The following CCDC102B variants were observed in gnomAD, a reference collection of about 807,000 sequenced individuals.
CCDC102B encodes the protein coiled-coil domain containing 102B.
CCDC102B carries 75 observed loss-of-function variants against 57.4 expected under a neutral mutation model. The observed-to-expected ratio is 1.31, with a 90% CI of 1.08 to 1.58. The LOEUF is 1.58. Among genes scored for constraint, CCDC102B ranks in the 40% most tolerant of loss-of-function variants. CCDC102B has a pLI of 0.00. For missense variants in CCDC102B, 636 were observed against 582.6 expected, an observed-to-expected ratio of 1.09 and a Z score of -0.94; for synonymous variants, 206 against 201.9, an observed-to-expected ratio of 1.02 and a Z score of -0.17.
chr18:68,790,558 A>C lies in CCDC102B; in HGVS notation c.-66-32808A>C, dbSNP rs574699617. 3.9e-5 allele frequency among the ~76,000 whole-genome samples: 6 copies of C among 152,264 alleles called. No individual in the cohort carries two copies. In the South Asian group the frequency reaches 1.2e-3, roughly 32 times the overall value. Reference sequence around the variant, plus strand: ...GCGCCGTTTTTCAAGCCCGTCGGAAAAGTGCAGTATTCGGGTGGGAGTGAC... The same window carrying C: ...GCGCCGTTTTTCAAGCCCGTCGGAACAGTGCAGTATTCGGGTGGGAGTGAC... On this transcript the variant is annotated intron_variant, in intron 2 of 3. Coordinates refer to the CCDC102B transcript ENST00000578970.
intron 7 of CCDC102B, among the ~76,000 whole-genome samples, chr18:69,050,897 T>A (rs1030470833): frequency 2.6e-5 from 4 of 152,192 alleles, no homozygotes; most frequent in African/African-American, 9.6e-5. Flanking sequence ...TAAGACTATT[T>A]ATTTTAGAGA....
At chr18:68,805,761 G>C (rs181926257) in intron 1 of CCDC102B, among the ~76,000 whole-genome samples, 84 of 152,290 alleles carry the variant, frequency 5.5e-4, no homozygotes, top group Non-Finnish European at 8.2e-4. Flanking sequence ...TAGGAACTGA[G>C]AGGTGAGGAT....
At position 68,816,262 on chromosome 18, in the gene CCDC102B, A is replaced by G. The variant is rs535414518; in HGVS notation, c.-16+18081A>G. ...TTTCAAGTAGTAAGAATGATTATGT[A>G]TTGAATGTCTACATTGTGCCTGGGG... is the stretch of plus-strand genomic sequence containing the variant. On this transcript the variant is annotated intron_variant, in intron 1 of 7. Coordinates refer to ENST00000360242, the MANE Select transcript of CCDC102B (RefSeq NM_024781.3). Among the ~76,000 whole-genome samples the G allele has an allele frequency of 1.4e-4, 21 of 152,288 alleles. No homozygotes were observed. In the South Asian group the frequency reaches 4.4e-3, roughly 32 times the overall value.
At chr18:69,007,235 C>T (rs1699449900) in intron 6 of CCDC102B, among the ~76,000 whole-genome samples, 1 of 152,122 alleles carries the variant, frequency 6.6e-6, no homozygotes, top group South Asian at 2.1e-4. Flanking sequence ...AAGAGGCACT[C>T]TATGAACACA....
intron 6 of CCDC102B, among the ~76,000 whole-genome samples, chr18:68,965,349 TA>T (rs2050142268): frequency 6.6e-6 from 1 of 151,698 alleles, no homozygotes; most frequent in Admixed American, 6.6e-5. Context: ...GCTGCTGAGC[TA>T]TTGATTTTTA....
intron 4 of CCDC102B, among the ~76,000 whole-genome samples, chr18:68,857,786 T>C (rs1422577346): frequency 6.6e-6 from 1 of 152,162 alleles, no homozygotes; most frequent in Non-Finnish European, 1.5e-5. Context: ...TGTTTCACAA[T>C]GTGATGATTC....
intron 6 of CCDC102B, among the ~76,000 whole-genome samples, chr18:68,916,474 C>T (rs1190065842): frequency 6.6e-6 from 1 of 152,180 alleles, no homozygotes. Context: ...TAATCAGTTC[C>T]AAATCCAGAT....
intron 7 of CCDC102B, among the ~76,000 whole-genome samples, chr18:69,015,399 A>G (rs2051638081): frequency 6.6e-6 from 1 of 152,244 alleles, no homozygotes; most frequent in African/African-American, 2.4e-5. Context: ...TCGGATAGTT[A>G]GGAAAAACAA....
At chr18:68,990,333 A>G (rs1033504573) in intron 6 of CCDC102B, among the ~76,000 whole-genome samples, 3 of 152,244 alleles carry the variant, frequency 2.0e-5, no homozygotes, top group Middle Eastern at 3.4e-3. Flanking sequence ...CCCATTATTC[A>G]TCTTGGAGAT....
intron 6 of CCDC102B, among the ~76,000 whole-genome samples, chr18:68,981,639 A>G (rs2050585114): frequency 6.6e-6 from 1 of 152,080 alleles, no homozygotes; most frequent in South Asian, 2.1e-4. Flanking sequence ...CCTTGGCCTC[A>G]TGAAACTTGG....
intron 7 of CCDC102B, among the ~76,000 whole-genome samples, chr18:69,043,465 A>G (rs1470804553): frequency 6.6e-6 from 1 of 151,984 alleles, no homozygotes; most frequent in African/African-American, 2.4e-5. Context: ...TCAGACTATC[A>G]CATGGGGAGA....
rs762154731 is a variant in CCDC102B, at chr18:68,846,339, TAG to T, written c.860_861del (p.Arg287ThrfsTer13). 6.3e-7 allele frequency: 1 copy of T among 1,575,322 alleles called. No individual in the cohort carries two copies. The highest frequency in any genetic ancestry group is 8.6e-7 in the Non-Finnish European group (1 of 1,165,140). ...ATGCGCACAGCTTTGGAAAAAGAAATAGAGAGACTGGAGTCGGCTTTGTCTCT... is the reference window on the plus strand; with the variant it reads ...ATGCGCACAGCTTTGGAAAAAGAAATAGAGACTGGAGTCGGCTTTGTCTCT... On this transcript the variant is annotated frameshift_variant, in exon 4 of 8. Transcript: ENST00000360242. LOFTEE classifies it high-confidence loss of function.
intron 6 of CCDC102B, among the ~76,000 whole-genome samples, chr18:69,003,628 T>C (rs1021835217): frequency 2.6e-5 from 4 of 152,218 alleles, no homozygotes; most frequent in Non-Finnish European, 4.4e-5. Context: ...CTGATCAAAA[T>C]GAGCACATAA....
intron 7 of CCDC102B, among the ~76,000 whole-genome samples, chr18:69,049,895 C>T (rs1442429250): frequency 1.3e-5 from 2 of 151,934 alleles, no homozygotes; most frequent in African/African-American, 4.8e-5. Flanking sequence ...CTGCAACCTC[C>T]ACCTCCCTGG....
chr18:68,953,201 A>G (rs900766158), intron 6 of CCDC102B, among the ~76,000 whole-genome samples: 3 of 152,090 alleles, frequency 2.0e-5, no homozygotes, highest in Non-Finnish European at 4.4e-5. Flanking sequence ...TATAATATAC[A>G]TTTGGGACAT....
In CCDC102B at chr18:68,805,762, A is replaced by G. The variant is rs1032510580; in HGVS notation, c.-16+7581A>G. Among the ~76,000 whole-genome samples the G allele has an allele frequency of 4.6e-5, 7 of 152,174 alleles. No individual in the cohort carries two copies. The East Asian group carries it at 1.3e-3, about 29-fold the overall frequency. On this transcript the variant is annotated intron_variant, in intron 1 of 7. Transcript: ENST00000360242. The stretch of plus-strand genomic sequence containing the variant: ...ATTATTGGAATTAATAGGAACTGAG[A>G]GGTGAGGATGTTGTAACGACACTAT...
intron 2 of CCDC102B, chr18:68,721,448 T>C (rs2032322780): frequency 6.6e-6 from 1 of 152,154 alleles, no homozygotes; most frequent in South Asian, 2.1e-4. Flanking sequence ...AGTTTTGAAC[T>C]TGATATCAGT....
chr18:68,985,540 T>C (rs1297378575), intron 6 of CCDC102B, among the ~76,000 whole-genome samples: 3 of 152,092 alleles, frequency 2.0e-5, no homozygotes, highest in South Asian at 2.1e-4. Flanking sequence ...AGGAAGGAGC[T>C]AAAGAGGGTG....
At chr18:68,884,847 A>C (rs748976150) in intron 5 of CCDC102B, among the ~76,000 whole-genome samples, 8 of 151,398 alleles carry the variant, frequency 5.3e-5, no homozygotes, top group Non-Finnish European at 7.4e-5. Context: ...ATTCATGCCA[A>C]ATGAGTAGAT....
Sources: allele counts gnomAD v4.1 joint callset (sites outside exome capture counted in the v4.1 genomes callset), GRCh38; gene constraint gnomAD v4.1.1; transcripts MANE v1.5; gene names NCBI Gene and HGNC (gene_info 2026-07-23, HGNC 2026-07-21).